The following IGSF10 variants were observed in gnomAD, a reference collection of about 807,000 sequenced individuals.
The protein encoded by IGSF10 is immunoglobulin superfamily member 10.
A neutral mutation model predicts 128.2 loss-of-function variants in IGSF10; 126 were observed. The observed-to-expected ratio is 0.98, with a 90% confidence interval of 0.85 to 1.14. IGSF10 has a LOEUF of 1.14. Among genes scored for constraint, IGSF10 ranks in the 50% most tolerant of loss-of-function variants. The probability of loss-of-function intolerance (pLI) is 0.00; values close to 1 mark genes in which losing one functional copy is unlikely to be tolerated. For missense variants in IGSF10, 3,295 were observed against 3,149.8 expected (o/e 1.05, Z -1.10); for synonymous variants, 1,185 against 1,146.2 (o/e 1.03, Z -0.68).
In IGSF10 at chr3:151,448,554, G is replaced by A; in HGVS notation, c.1427C>T (p.Ser476Leu). The change falls in exon 6 of 8, where the codon TCA (serine) becomes TTA (leucine). Residue 476 changes from serine (S) to leucine (L), a missense_variant. By Grantham distance (145) the Ser-to-Leu change is moderately radical. Transcript: ENST00000282466. ...RPVKHKWTMI[S>L]RDNNTKLEHT... is the part of the protein sequence containing the mutation. Reference sequence around the variant, plus strand: ...TTCCAGCTTAGTATTGTTATCCCTTGAAATCATAGTCCATTTGTGTTTCAC... The same window carrying A: ...TTCCAGCTTAGTATTGTTATCCCTTAAAATCATAGTCCATTTGTGTTTCAC... 2 of 1,614,174 alleles carry A rather than the reference G, an allele frequency of 1.2e-6. No homozygotes were observed. Among genetic ancestry groups the A allele is most frequent in the Non-Finnish European group, 1.7e-6 (2 of 1,180,042 alleles).
At chr3:151,491,867 T>C in the IGSF10 span, among the ~76,000 whole-genome samples, 1 of 152,146 alleles carries the variant, frequency 6.6e-6, no homozygotes, top group Admixed American at 6.6e-5. Flanking sequence ...CCAATATTTC[T>C]GATAAAAATT....
chr3:151,558,301 G>T, the IGSF10 span, among the ~76,000 whole-genome samples: 143,771 of 151,368 alleles, frequency 0.95, 68,345 homozygotes, highest in East Asian at 1. Context: ...TTTAGAAGAT[G>T]CAATTGCCAA....
chr3:151,444,896 T>C lies in IGSF10; in HGVS notation c.5062+23A>G, dbSNP rs146072651. ...TTCTTGTTTTCTAACAAAAACTAAGTGTAAAGAAAAAGTTTCACATACCTG... is the reference window on the plus strand; with the variant it reads ...TTCTTGTTTTCTAACAAAAACTAAGCGTAAAGAAAAAGTTTCACATACCTG... On this transcript the variant is annotated intron_variant, in intron 6 of 7. Transcript: ENST00000282466. 507 of 1,540,914 alleles carry C rather than the reference T, an allele frequency of 3.3e-4. 2 individuals carry two copies. The highest frequency in any genetic ancestry group is 3.3e-3 in the African/African-American group (235 of 72,134).
Position 151,447,002 on chromosome 3 carries a change from CT to C in IGSF10, c.2978del (p.Gln993ArgfsTer69). ...CTGTACTATTTCTAGGGATCGGAAA[CT>C]GAGAATGAGCAGCTGTGTGTGGATC... is the stretch of plus-strand genomic sequence containing the variant. ...PSDPHTAAHS[Q>X]FPIPRNSTVN... On this transcript the variant is annotated frameshift_variant, in exon 6 of 8. Coordinates refer to ENST00000282466, the MANE Select transcript of IGSF10 (RefSeq NM_178822.5). LOFTEE classifies it high-confidence loss of function. 1 of 1,614,170 alleles carries C rather than the reference CT, an allele frequency of 6.2e-7. No individual in the cohort carries two copies. The highest frequency in any genetic ancestry group is 8.5e-7 in the Non-Finnish European group (1 of 1,180,028).
In IGSF10 at chr3:151,437,532, A is replaced by AAATGGATTTCTAAATGTCGGTCTT; in HGVS notation, c.7005_7028dup (p.Pro2342_Phe2343insLeuArgProThrPheArgAsnPro). On this transcript the variant is annotated inframe_insertion, in exon 8 of 8. Coordinates refer to ENST00000282466, the MANE Select transcript of IGSF10 (RefSeq NM_178822.5). ...CCAGCTGGGCAACTATTTTTTCATT[A>AAATGGATTTCTAAATGTCGGTCTT]AATGGATTTCTAAATGTCGGTCTTC... is the stretch of plus-strand genomic sequence containing the variant. The AAATGGATTTCTAAATGTCGGTCTT allele has an allele frequency of 6.2e-7, 1 of 1,614,188 alleles. No individual in the cohort carries two copies. Among genetic ancestry groups the AAATGGATTTCTAAATGTCGGTCTT allele is most frequent in the Non-Finnish European group, 8.5e-7 (1 of 1,180,022 alleles).
the IGSF10 span, among the ~76,000 whole-genome samples, chr3:151,555,640 C>A: frequency 6.6e-6 from 1 of 152,076 alleles, no homozygotes; most frequent in African/African-American, 2.4e-5. Flanking sequence ...GAGAACAGGG[C>A]CTGTTTCAAA....
chr3:151,569,562 G>T, the IGSF10 span, among the ~76,000 whole-genome samples: 17 of 152,196 alleles, frequency 1.1e-4, no homozygotes, highest in East Asian at 3.3e-3. Context: ...GTATTGCAAT[G>T]CCTTGGCTTT....
the IGSF10 span, among the ~76,000 whole-genome samples, chr3:151,562,068 G>A: frequency 6.6e-6 from 1 of 152,116 alleles, no homozygotes; most frequent in Non-Finnish European, 1.5e-5. Context: ...TTCCCAGGAG[G>A]ATAAGGCATT....
At chr3:151,450,226 G>T (rs944375572) in intron 5 of IGSF10, among the ~76,000 whole-genome samples, 10 of 152,174 alleles carry the variant, frequency 6.6e-5, no homozygotes, top group African/African-American at 1.9e-4. Context: ...AAAATGGCTG[G>T]TCACTGGAAT....
At chr3:151,610,562 G>C in the IGSF10 span, among the ~76,000 whole-genome samples, 1 of 152,182 alleles carries the variant, frequency 6.6e-6, no homozygotes, top group East Asian at 1.9e-4. Flanking sequence ...ACAGAACTCA[G>C]ATGAAGGTGT....
rs1333641184 is a variant in IGSF10 at position 151,443,000 on chromosome 3, C to G, written c.5947G>C (p.Val1983Leu). 1 of 1,613,740 alleles carries G rather than the reference C, an allele frequency of 6.2e-7. No homozygotes were observed. Among genetic ancestry groups the G allele is most frequent in the Non-Finnish European group, 8.5e-7 (1 of 1,179,738 alleles). The stretch of plus-strand genomic sequence containing the variant: ...TAGACTTACCTATGCTGCTGGTCGA[C>G]CACAGCCTTGGATGGTAACCTCCAC... ...IMWRLPSKAVVDQQHRVGSWI... is the reference protein window; with the variant it reads ...IMWRLPSKAVLDQQHRVGSWI... Residue 1983 changes from valine to leucine, a missense_variant, in exon 7 of 8, where the codon GTC becomes CTC. Val to Leu is a conservative substitution (Grantham distance 32). Transcript: ENST00000282466.
At chr3:151,593,170 A>C in the IGSF10 span, among the ~76,000 whole-genome samples, 1 of 152,186 alleles carries the variant, frequency 6.6e-6, no homozygotes, top group Non-Finnish European at 1.5e-5. Context: ...TCGCGCTGAC[A>C]TCCAGGCTAG....
At position 151,437,983 on chromosome 3, in the gene IGSF10, T is replaced by A; in HGVS notation, c.6578A>T (p.His2193Leu). The change falls in exon 8 of 8, where the codon CAT (histidine) becomes CTT (leucine). Residue 2193 changes from histidine to leucine, a missense_variant. Transcript: ENST00000282466. Reference sequence around the variant, plus strand: ...GTTGATGGTCAAAGACCCATTGGCATGAAATGTGTACCTATCAATGGAGAA... The same window carrying A: ...GTTGATGGTCAAAGACCCATTGGCAAGAAATGTGTACCTATCAATGGAGAA... ...ISFSIDRYTF[H>L]ANGSLTINKV... 2 of 1,614,226 alleles carry A rather than the reference T, an allele frequency of 1.2e-6. No individual in the cohort carries two copies. The highest frequency in any genetic ancestry group is 1.7e-5 in the Admixed American group (1 of 60,028).
chr3:151,446,188 T>G lies in IGSF10; in HGVS notation c.3793A>C (p.Asn1265His). The stretch of plus-strand genomic sequence containing the variant: ...GTGTGGTGAGCGGTAGTCAAGGTAT[T>G]AGATGGAATTTGCATCACACTTGTT... ...LSTSVMQIPS[N>H]TLTTAHHTTT... The change falls in exon 6 of 8, where the codon AAT (asparagine) becomes CAT (histidine). Residue 1265 changes from asparagine to histidine, a missense_variant. Coordinates refer to ENST00000282466, the MANE Select transcript of IGSF10 (RefSeq NM_178822.5). 1 of 1,613,992 alleles carries G rather than the reference T, an allele frequency of 6.2e-7. No individual in the cohort carries two copies. Among genetic ancestry groups the G allele is most frequent in the Non-Finnish European group, 8.5e-7 (1 of 1,179,920 alleles).
intron 5 of IGSF10, 139 bp from the exon 6 acceptor site, chr3:151,449,404 C>A: frequency 1.2e-6 from 1 of 817,892 alleles, no homozygotes; most frequent in African/African-American, 1.7e-5. Flanking sequence ...TGATTTTTTG[C>A]TTCTGAATTT....
chr3:151,466,402 T>C, the IGSF10 span, among the ~76,000 whole-genome samples: 3 of 152,250 alleles, frequency 2.0e-5, no homozygotes, highest in East Asian at 1.9e-4. Context: ...TAAGATCAAA[T>C]TGGATTTGAT....
chr3:151,577,112 T>C, the IGSF10 span, among the ~76,000 whole-genome samples: 1 of 152,218 alleles, frequency 6.6e-6, no homozygotes, highest in Non-Finnish European at 1.5e-5. Flanking sequence ...TCTGTCCATA[T>C]ATTTATGTAT....
chr3:151,609,196 A>G, the IGSF10 span, among the ~76,000 whole-genome samples: 1 of 152,140 alleles, frequency 6.6e-6, no homozygotes, highest in South Asian at 2.1e-4. Context: ...ATAGCAAAGG[A>G]CCTGAGGTGG....
chr3:151,599,995 T>A, the IGSF10 span, among the ~76,000 whole-genome samples: 1 of 152,232 alleles, frequency 6.6e-6, no homozygotes, highest in African/African-American at 2.4e-5. Context: ...AATGCAGGAG[T>A]GTAATAAATG....
Sources: allele counts gnomAD v4.1 joint callset (sites outside exome capture counted in the v4.1 genomes callset), GRCh38; gene constraint gnomAD v4.1.1; transcripts MANE v1.5; gene names NCBI Gene and HGNC (gene_info 2026-07-23, HGNC 2026-07-21).